NR5A2: variants seen among roughly 807,000 people sequenced by gnomAD.
The protein encoded by NR5A2 is CYP7A promoter-binding factor.
Under a neutral mutation model 62.7 loss-of-function variants are expected in NR5A2, and 26 were observed. The ratio of observed to expected loss-of-function variants is 0.41; its 90% CI spans 0.30 to 0.58. NR5A2 has a LOEUF of 0.58. Ranked by LOEUF, NR5A2 falls within the 20% of genes least tolerant of loss-of-function variation. The pLI is 0.22. For missense variants in NR5A2, 541 were observed against 669.1 expected, an observed-to-expected ratio of 0.81 and a Z score of 2.11; for synonymous variants, 246 against 241.7, an observed-to-expected ratio of 1.02 and a Z score of -0.16.
chr1:200,130,223 A>G (rs745324346), intron 7 of NR5A2, among the ~76,000 whole-genome samples: 3 of 142,200 alleles, frequency 2.1e-5, no homozygotes, highest in African/African-American at 5.1e-5. Flanking sequence ...CATTACATCC[A>G]GTTAATAAAA....
chr1:200,038,417 A>G (rs1005509369), intron 1 of NR5A2, among the ~76,000 whole-genome samples: 3 of 151,886 alleles, frequency 2.0e-5, no homozygotes, highest in Non-Finnish European at 2.9e-5. Context: ...CTCTAATTCT[A>G]TGAGTGAGCT....
chr1:200,128,328 G>A (rs1463714786), intron 7 of NR5A2, among the ~76,000 whole-genome samples: 1 of 152,172 alleles, frequency 6.6e-6, no homozygotes, highest in Non-Finnish European at 1.5e-5. Context: ...ACTGGATATT[G>A]TCAGTTTTGT....
At chr1:200,059,245 T>C (rs1330688845) in intron 5 of NR5A2, among the ~76,000 whole-genome samples, 1 of 152,132 alleles carries the variant, frequency 6.6e-6, no homozygotes, top group East Asian at 1.9e-4. Flanking sequence ...AAAACCAGGC[T>C]ATATATAATT....
intron 5 of NR5A2, among the ~76,000 whole-genome samples, chr1:200,049,849 C>A (rs917132476): frequency 3.3e-5 from 5 of 152,128 alleles, no homozygotes; most frequent in Non-Finnish European, 7.4e-5. Flanking sequence ...TGTTAAAAAT[C>A]GTCTGTGTAA....
At chr1:200,070,456 G>A (rs566376719) in intron 5 of NR5A2, among the ~76,000 whole-genome samples, 6 of 152,200 alleles carry the variant, frequency 3.9e-5, no homozygotes, top group South Asian at 2.1e-4. Context: ...TTGGGATGCC[G>A]AATTAGGAGG....
At chr1:200,081,124 T>C (rs1664273633) in intron 5 of NR5A2, among the ~76,000 whole-genome samples, 1 of 152,216 alleles carries the variant, frequency 6.6e-6, no homozygotes, top group East Asian at 1.9e-4. Context: ...GAATCTGTTT[T>C]TCCACTTGTT....
At chr1:200,047,967 T>G (rs1662449536) in intron 4 of NR5A2, among the ~76,000 whole-genome samples, 1 of 152,168 alleles carries the variant, frequency 6.6e-6, no homozygotes, top group Non-Finnish European at 1.5e-5. Flanking sequence ...CAAAGTATTT[T>G]TTTGATGACG....
At position 200,039,585 on chromosome 1, in the gene NR5A2, G is replaced by A; in HGVS notation, c.65-73G>A. 1.9e-6 allele frequency: 3 copies of A among 1,595,132 alleles called. No individual in the cohort carries two copies. Among genetic ancestry groups the A allele is most frequent in the East Asian group, 4.7e-5 (2 of 42,760 alleles). On this transcript the variant is annotated intron_variant, in intron 1 of 7. Transcript: ENST00000367362. This position sits in a 1 kb window ranked among gnomAD's most constrained non-coding sequence, Gnocchi z 5.1. ...AGGCACGCTCCGGCGAGGCGAGAGGGTTGGGTTAGCAGGCATCCCGGTCGC... is the reference window on the plus strand; with the variant it reads ...AGGCACGCTCCGGCGAGGCGAGAGGATTGGGTTAGCAGGCATCCCGGTCGC...
chr1:200,107,188 A>T (rs1299992262), intron 5 of NR5A2, among the ~76,000 whole-genome samples: 1 of 152,088 alleles, frequency 6.6e-6, no homozygotes, highest in African/African-American at 2.4e-5. Context: ...CAAACAAACA[A>T]TGAAAGAGTT....
At chr1:200,046,453 G>A (rs894556675) in intron 4 of NR5A2, among the ~76,000 whole-genome samples, 1 of 152,098 alleles carries the variant, frequency 6.6e-6, no homozygotes, top group Non-Finnish European at 1.5e-5. Context: ...ATCACCGATG[G>A]TGCTAGATAC....
At position 200,073,781 on chromosome 1, in the gene NR5A2, G is replaced by A. The variant is rs116148218; in HGVS notation, c.1110+24963G>A. Among the ~76,000 whole-genome samples the A allele has an allele frequency of 9.2e-4, 140 of 152,100 alleles. 2 individuals are homozygous for A. The highest frequency in any genetic ancestry group is 8.2e-4 in the Non-Finnish European group (56 of 68,016). On this transcript the variant is annotated intron_variant, in intron 5 of 7. Transcript: ENST00000367362. ...TTAATATAGCAAACATATATGGAGCGCCTCAATATGCCAGGCACATTGCTA... is the reference window on the plus strand; with the variant it reads ...TTAATATAGCAAACATATATGGAGCACCTCAATATGCCAGGCACATTGCTA...
intron 3 of NR5A2, 58 bp downstream of exon 3, chr1:200,043,950 G>A (rs1662239841): frequency 9.0e-7 from 1 of 1,109,852 alleles, no homozygotes; most frequent in Non-Finnish European, 1.3e-6. Flanking sequence ...ATAAACCAGT[G>A]GATTACTTCT....
intron 5 of NR5A2, among the ~76,000 whole-genome samples, chr1:200,108,514 C>T (rs1418459767): frequency 6.6e-6 from 1 of 152,190 alleles, no homozygotes; most frequent in Non-Finnish European, 1.5e-5. Context: ...AAGCTGGAAT[C>T]CTTTTTAGGT....
intron 5 of NR5A2, among the ~76,000 whole-genome samples, chr1:200,060,875 A>C (rs1037869021): frequency 6.7e-6 from 1 of 149,844 alleles, no homozygotes; most frequent in African/African-American, 2.5e-5. Flanking sequence ...AGGCCAAGGC[A>C]GGTGGATCAC....
intron 5 of NR5A2, among the ~76,000 whole-genome samples, chr1:200,100,730 G>T (rs1369290227): frequency 6.6e-6 from 1 of 152,200 alleles, no homozygotes; most frequent in Non-Finnish European, 1.5e-5. Context: ...TATTGTTAGA[G>T]CCCTGTTTAC....
chr1:200,168,288 T>C (rs1654005724), intron 7 of NR5A2, among the ~76,000 whole-genome samples: 1 of 151,736 alleles, frequency 6.6e-6, no homozygotes, highest in Non-Finnish European at 1.5e-5. Flanking sequence ...TACAGCCTAC[T>C]GTACTTGAAC....
At chr1:200,050,650 G>A (rs1662587703) in intron 5 of NR5A2, among the ~76,000 whole-genome samples, 1 of 152,160 alleles carries the variant, frequency 6.6e-6, no homozygotes, top group South Asian at 2.1e-4. Context: ...CAGCACTTTG[G>A]GAGGCCAAGG....
intron 1 of NR5A2, among the ~76,000 whole-genome samples, chr1:200,031,571 C>CTTT (rs530174677): frequency 4.5e-3 from 401 of 89,458 alleles, no homozygotes; most frequent in Non-Finnish European, 5.7e-3. Flanking sequence ...TCTTTAACAC[C>CTTT]TTTTTTTTTT....
Position 200,039,802 on chromosome 1 carries a change from A to C in NR5A2, c.202+7A>C. 6.3e-7 allele frequency: 1 copy of C among 1,587,676 alleles called. No homozygotes were observed. Among genetic ancestry groups the C allele is most frequent in the Non-Finnish European group, 8.6e-7 (1 of 1,168,660 alleles). On this transcript the variant is annotated splice_region_variant and intron_variant, in intron 2 of 7. Transcript: ENST00000367362. The surrounding 1 kb of genome is among the most constrained non-coding windows in gnomAD (Gnocchi z 5.1). ...ATGCCGGAAAACATGCAAGGTAAGGAGGCGCCGCGCGGCGCTCCGGCTCCC... is the reference window on the plus strand; with the variant it reads ...ATGCCGGAAAACATGCAAGGTAAGGCGGCGCCGCGCGGCGCTCCGGCTCCC...
Sources: allele counts gnomAD v4.1 joint callset (sites outside exome capture counted in the v4.1 genomes callset), GRCh38; gene constraint gnomAD v4.1.1; non-coding constraint Gnocchi (gnomAD v3.1); transcripts MANE v1.5; gene names NCBI Gene and HGNC (gene_info 2026-07-23, HGNC 2026-07-21).